CD101: variants seen among roughly 807,000 people sequenced by gnomAD.
The protein encoded by CD101 is immunoglobulin superfamily member 2.
A neutral mutation model predicts 98.2 loss-of-function variants in CD101; 76 were observed. The observed-to-expected ratio is 0.77, with a 90% confidence interval of 0.64 to 0.94. The LOEUF (loss-of-function observed/expected upper bound fraction) is 0.94, where lower values mean the gene tolerates loss of function less well. Among genes scored for constraint, CD101 ranks in the 40% least tolerant of loss-of-function variants. CD101 has a pLI of 0.00. For missense variants in CD101, 1,145 were observed against 1,218.8 expected (o/e 0.94, Z 0.90); for synonymous variants, 471 against 472.7 (o/e 1.00, Z 0.05).
At chr1:117,016,265 T>C (rs1653214938) in intron 4 of CD101, among the ~76,000 whole-genome samples, 1 of 150,174 alleles carries the variant, frequency 6.7e-6, no homozygotes. Context: ...CAAGTAATTG[T>C]TTTTCATGGT....
At chr1:117,025,982 A>C (rs1270833148) in intron 8 of CD101, 78 bp downstream of exon 8, 8 of 1,446,940 alleles carry the variant, frequency 5.5e-6, no homozygotes, top group Admixed American at 2.3e-5. Context: ...CCTCTCACCT[A>C]TCTTTTGCTC....
rs991175773 is a variant in CD101 at position 117,022,110 on chromosome 1, C to G, written c.2428+127C>G. Reference sequence around the variant, plus strand: ...CCTAAAGTCATAGGAACAGTATCTACCTACACATGACTGCAAGACCGAGTA... The same window carrying G: ...CCTAAAGTCATAGGAACAGTATCTAGCTACACATGACTGCAAGACCGAGTA... On this transcript the variant is annotated intron_variant, in intron 7 of 9. Transcript: ENST00000682167. The surrounding 1 kb of genome is among the most constrained non-coding windows in gnomAD (Gnocchi z 4.8). 1.9e-6 allele frequency: 2 copies of G among 1,048,648 alleles called. No homozygotes were observed. Among genetic ancestry groups the G allele is most frequent in the South Asian group, 1.7e-5 (1 of 59,364 alleles). 65.0% of individuals were successfully genotyped at this position (1,048,648 alleles called of 1,614,324 possible).
chr1:117,029,183 GA>G (rs769013948), intron 8 of CD101, among the ~76,000 whole-genome samples: 5,006 of 96,192 alleles, frequency 0.052, 430 homozygotes, highest in African/African-American at 0.076. Context: ...AAGAAAGAAA[GA>G]AAGAAAGAAA....
chr1:117,029,213 A>AAAGAAAG (rs1553188332), intron 8 of CD101, among the ~76,000 whole-genome samples: 1 of 71,758 alleles, frequency 1.4e-5, no homozygotes, highest in Non-Finnish European at 2.9e-5. Context: ...GAAAAGAAAG[A>AAAGAAAG]AAAGAAAGAA....
rs946374986 is a variant in CD101 at position 117,022,528 on chromosome 1, CG to C, written c.2428+546del. 6.6e-6 allele frequency among the ~76,000 whole-genome samples: 1 copy of C among 152,082 alleles called. No homozygotes were observed. Among genetic ancestry groups the C allele is most frequent in the African/African-American group, 2.4e-5 (1 of 41,408 alleles). ...ATCTTTAAAAATGTAATGGAAGTTC[CG>C]CACTGGTCTAAGAGTGCCACTGTCT... On this transcript the variant is annotated intron_variant, in intron 7 of 9. Transcript: ENST00000682167. The surrounding 1 kb of genome is among the most constrained non-coding windows in gnomAD (Gnocchi z 4.8).
At position 117,010,050 on chromosome 1, in the gene CD101, T is replaced by TA. The variant is rs1557765720; in HGVS notation, c.245dup (p.Tyr82Ter). 6.2e-7 allele frequency: 1 copy of TA among 1,614,210 alleles called. No individual in the cohort carries two copies. The highest frequency in any genetic ancestry group is 2.2e-5 in the East Asian group (1 of 44,882). ...IISTKDAAFS[Y>*]AVYTQRVRSG... ...TAGCACCAAGGATGCTGCCTTCTCT[T>TA]ACGCAGTATATACGCAGCGGGTGCG... is the stretch of plus-strand genomic sequence containing the variant. Residue 82 changes from tyrosine to a stop codon, truncating the protein, a stop_gained and frameshift_variant, in exon 2 of 10, where the codon TAC becomes TAAC. Transcript: ENST00000682167. LOFTEE classifies it high-confidence loss of function. The surrounding 1 kb of genome is among the most constrained non-coding windows in gnomAD (Gnocchi z 5.2).
chr1:117,017,538 G>A, intron 5 of CD101, 65 bp downstream of exon 5: 1 of 1,511,562 alleles, frequency 6.6e-7, no homozygotes, highest in Non-Finnish European at 9.0e-7. Context: ...CAGTGGAACT[G>A]GATTGCGTGT....
chr1:117,021,040 A>G lies in CD101; in HGVS notation c.2018-533A>G, dbSNP rs1474468693. Among the ~76,000 whole-genome samples the G allele has an allele frequency of 1.3e-5, 2 of 152,228 alleles. No homozygotes were observed. Among genetic ancestry groups the G allele is most frequent in the Non-Finnish European group, 2.9e-5 (2 of 68,040 alleles). ...AAGACACACACAGTTTTAATCACTCATGTACAACTTCCTTTTGTTTACCCA... is the reference window on the plus strand; with the variant it reads ...AAGACACACACAGTTTTAATCACTCGTGTACAACTTCCTTTTGTTTACCCA... On this transcript the variant is annotated intron_variant, in intron 6 of 9. Coordinates refer to ENST00000682167, the MANE Select transcript of CD101 (RefSeq NM_001256106.3). This position sits in a 1 kb window ranked among gnomAD's most constrained non-coding sequence, Gnocchi z 4.7.
chr1:117,016,973 G>A, intron 4 of CD101, 117 bp from the exon 5 acceptor site: 2 of 1,134,880 alleles, frequency 1.8e-6, no homozygotes, highest in South Asian at 1.6e-5. Flanking sequence ...AGAGGAAACA[G>A]CCCAATTTGA....
chr1:117,022,847 C>T lies in CD101; in HGVS notation c.2428+864C>T, dbSNP rs1395823245. On this transcript the variant is annotated intron_variant, in intron 7 of 9. Transcript: ENST00000682167. The surrounding 1 kb of genome is among the most constrained non-coding windows in gnomAD (Gnocchi z 4.8). ...GTCTGGTGGGACAACAAGGGCAGAACAGCAGCTTGGTTTGGGGTCTCTTCC... is the reference window on the plus strand; with the variant it reads ...GTCTGGTGGGACAACAAGGGCAGAATAGCAGCTTGGTTTGGGGTCTCTTCC... 1.3e-5 allele frequency among the ~76,000 whole-genome samples: 2 copies of T among 152,212 alleles called. No individual in the cohort carries two copies. The highest frequency in any genetic ancestry group is 2.4e-5 in the African/African-American group (1 of 41,450).
At chr1:117,034,173 A>G (rs529233728) in intron 9 of CD101, 39 bp downstream of exon 9, 5 of 1,555,406 alleles carry the variant, frequency 3.2e-6, no homozygotes, top group Non-Finnish European at 4.4e-6. Context: ...GGTGTGAATG[A>G]ATCCTGGTTC....
At chr1:117,029,899 T>A (rs1654335594) in intron 8 of CD101, among the ~76,000 whole-genome samples, 1 of 152,220 alleles carries the variant, frequency 6.6e-6, no homozygotes, top group Middle Eastern at 3.2e-3. Flanking sequence ...TCTTATTTCC[T>A]TATCAGTGAC....
At chr1:117,013,385 T>C in intron 3 of CD101, 21 bp from the exon 4 acceptor site, 1 of 1,588,672 alleles carries the variant, frequency 6.3e-7, no homozygotes, top group Non-Finnish European at 8.6e-7. Flanking sequence ...TCTAAATACC[T>C]GCCTTGCTTT....
intron 1 of CD101, among the ~76,000 whole-genome samples, chr1:117,007,343 C>A (rs1652595391): frequency 1.3e-5 from 2 of 151,776 alleles, no homozygotes; most frequent in Non-Finnish European, 2.9e-5. Flanking sequence ...TCATGATAAC[C>A]ACTTCCTAGT....
chr1:117,017,140 GGA>G lies in CD101; in HGVS notation c.1284_1285del (p.Glu428AspfsTer7). ...GAACAAGCAGCAAGTTGTGTGGGAA[GGA>G]GAGACACTCGCCTTTCTCTGTAAGG... ...TKNKQQVVWE[G>X]ETLAFLCKAG... On this transcript the variant is annotated frameshift_variant, in exon 5 of 10. Coordinates refer to ENST00000682167, the MANE Select transcript of CD101 (RefSeq NM_001256106.3). LOFTEE classifies it high-confidence loss of function. 1.2e-6 allele frequency: 2 copies of G among 1,614,234 alleles called. No individual in the cohort carries two copies. Among genetic ancestry groups the G allele is most frequent in the Non-Finnish European group, 1.7e-6 (2 of 1,180,028 alleles).
Position 117,025,916 on chromosome 1 carries a change from TTTATC to T in CD101, c.2824+14_2824+18del. 4.4e-6 allele frequency: 7 copies of T among 1,593,904 alleles called. No homozygotes were observed. The highest frequency in any genetic ancestry group is 6.0e-6 in the Non-Finnish European group (7 of 1,166,208). On this transcript the variant is annotated intron_variant, in intron 8 of 9. Transcript: ENST00000682167. ...GGTGCTGCCTTCAGGTAACCAGGGG[TTTATC>T]TACCGCGAGCTCATGGTCAGGAGAA...
chr1:117,013,296 C>T, intron 3 of CD101, 110 bp from the exon 4 acceptor site: 2 of 1,318,842 alleles, frequency 1.5e-6, no homozygotes, highest in Non-Finnish European at 2.1e-6. Flanking sequence ...TGAACTCCCA[C>T]ATAAAATGTG....
chr1:117,009,796 G>A, intron 1 of CD101, 54 bp from the exon 2 acceptor site: 1 of 1,528,378 alleles, frequency 6.5e-7, no homozygotes. Flanking sequence ...GTGGTACACT[G>A]GGAACTGGAA....
chr1:117,025,977 C>CACCTAT, intron 8 of CD101, 73 bp downstream of exon 8: 1 of 1,467,348 alleles, frequency 6.8e-7, no homozygotes, highest in East Asian at 2.3e-5. Context: ...CTCTCCCTCT[C>CACCTAT]ACCTATCTTT....
Sources: allele counts gnomAD v4.1 joint callset (sites outside exome capture counted in the v4.1 genomes callset), GRCh38; gene constraint gnomAD v4.1.1; non-coding constraint Gnocchi (gnomAD v3.1); transcripts MANE v1.5; gene names NCBI Gene and HGNC (gene_info 2026-07-23, HGNC 2026-07-21).